Variants in TUBA1C observed in about 807,000 individuals in gnomAD.
TUBA1C encodes tubulin alpha 1c.
A neutral mutation model predicts 34.9 loss-of-function variants in TUBA1C; 16 were observed. That is an observed-to-expected ratio of 0.46 (90% CI 0.31 to 0.70). The LOEUF (loss-of-function observed/expected upper bound fraction) is 0.70, where lower values mean the gene tolerates loss of function less well. TUBA1C is among the 30% of genes least tolerant of loss of function. TUBA1C has a pLI of 0.05. For missense variants in TUBA1C, 329 were observed against 587.3 expected (o/e 0.56, Z 4.55); for synonymous variants, 177 against 215.9 (o/e 0.82, Z 1.58).
At chr12:49,256,868 T>G (rs1158408899) in intron 1 of TUBA1C, among the ~76,000 whole-genome samples, 1 of 152,046 alleles carries the variant, frequency 6.6e-6, no homozygotes, top group African/African-American at 2.4e-5. Flanking sequence ...GGTTCTATAT[T>G]AATGTTCTTG....
intron 3 of TUBA1C, 55 bp from the exon 4 acceptor site, chr12:49,272,198 G>A (rs1451867522): frequency 3.2e-6 from 5 of 1,547,808 alleles, no homozygotes; most frequent in Non-Finnish European, 4.3e-6. Flanking sequence ...TTCACCAAAT[G>A]TGAACACTAA....
rs1396583174 is a variant in TUBA1C at position 49,272,357 on chromosome 12, T to C, written c.480T>C (p.Asp160=). The change falls in exon 4 of 4, where the codon GAT becomes GAC. Residue 160 remains aspartate (D), a synonymous_variant. Coordinates refer to ENST00000301072, the MANE Select transcript of TUBA1C (RefSeq NM_032704.5). ...TSLLMERLSV[D]YGKKSKLEFS... Reference sequence around the variant, plus strand: ...TGCTCATGGAACGTCTCTCAGTTGATTATGGCAAGAAGTCCAAGCTGGAGT... The same window carrying C: ...TGCTCATGGAACGTCTCTCAGTTGACTATGGCAAGAAGTCCAAGCTGGAGT... The C allele has an allele frequency of 1.9e-6, 3 of 1,614,078 alleles. No homozygotes were observed. The highest frequency in any genetic ancestry group is 1.7e-6 in the Non-Finnish European group (2 of 1,180,006).
rs1366800831 is a variant in TUBA1C, at chr12:49,234,725, T to G, written c.213+6559T>G. On this transcript the variant is annotated intron_variant, in intron 1 of 3. Transcript: ENST00000541364. ...TGTTTAGAAGCGGCCTTTCTTCACATATCGCTGTCCGCGAAAGTTTCTGAA... is the reference window on the plus strand; with the variant it reads ...TGTTTAGAAGCGGCCTTTCTTCACAGATCGCTGTCCGCGAAAGTTTCTGAA... 2.0e-5 allele frequency among the ~76,000 whole-genome samples: 3 copies of G among 152,274 alleles called. No individual in the cohort carries two copies. The East Asian group carries it at 5.8e-4, about 29-fold the overall frequency.
intron 3 of TUBA1C, 60 bp downstream of exon 3, chr12:49,270,036 A>G: frequency 1.2e-6 from 2 of 1,614,060 alleles, no homozygotes; most frequent in Non-Finnish European, 1.7e-6. Context: ...CTGAGACCAA[A>G]CTACAGAAAT....
In TUBA1C at chr12:49,273,412, G is replaced by T. The variant is rs553132567; in HGVS notation, c.*185G>T. ...GTAGATGAAACCACCTGAGTCGAGG[G>T]TCTTGCTCTGTCACCCAGGCTGGAG... On this transcript the variant is annotated 3_prime_UTR_variant, in exon 4 of 4. Transcript: ENST00000301072. 2.6e-5 allele frequency: 27 copies of T among 1,042,958 alleles called. No homozygotes were observed. In the South Asian group the frequency reaches 2.9e-4, roughly 11 times the overall value. 64.6% of individuals were successfully genotyped at this position (1,042,958 alleles called of 1,614,324 possible). A position where few individuals can be genotyped will look rare whatever the true frequency, so the allele number is the denominator to read the frequency against.
intron 1 of TUBA1C, among the ~76,000 whole-genome samples, chr12:49,244,158 A>G (rs1302708771): frequency 6.6e-6 from 1 of 151,830 alleles, no homozygotes; most frequent in African/African-American, 2.4e-5. Flanking sequence ...TCAAAAAAAA[A>G]AAAAAAAGAA....
In TUBA1C at chr12:49,274,285, A is replaced by ATTTTTTTTTTT. The variant is rs869028916; in HGVS notation, c.*1077_*1087dup. 6 of 69,690 alleles carry ATTTTTTTTTTT rather than the reference A, an allele frequency of 8.6e-5. No homozygotes were observed. The highest frequency in any genetic ancestry group is 2.8e-4 in the African/African-American group (4 of 14,322). 4.3% of individuals were successfully genotyped at this position (69,690 alleles called of 1,614,324 possible). A position where few individuals can be genotyped will look rare whatever the true frequency, so the allele number is the denominator to read the frequency against. On this transcript the variant is annotated 3_prime_UTR_variant, in exon 4 of 4. Coordinates refer to ENST00000301072, the MANE Select transcript of TUBA1C (RefSeq NM_032704.5). ...CCACCATGCCTGGCTGATTCTTGTA[A>ATTTTTTTTTTT]TTTTTTTTTTTTTTTTTTTTTTTTT...
chr12:49,256,597 C>T, intron 1 of TUBA1C: 1 of 277,348 alleles, frequency 3.6e-6, no homozygotes, highest in South Asian at 3.3e-5. Context: ...ACACAAAGAA[C>T]TTTCAGGGGT....
chr12:49,250,280 T>G (rs909219028), intron 1 of TUBA1C, among the ~76,000 whole-genome samples: 34 of 152,078 alleles, frequency 2.2e-4, no homozygotes, highest in Non-Finnish European at 4.6e-4. Context: ...ATCCCAGCAC[T>G]TTGGGAGGCC....
chr12:49,270,227 A>G, intron 3 of TUBA1C: 1 of 664,160 alleles, frequency 1.5e-6, no homozygotes, highest in South Asian at 1.8e-5. Flanking sequence ...CATCTTAGTC[A>G]TACTGAGTGA....
chr12:49,229,309 A>G (rs1942470979), intron 1 of TUBA1C, among the ~76,000 whole-genome samples: 1 of 152,150 alleles, frequency 6.6e-6, no homozygotes, highest in Non-Finnish European at 1.5e-5. Flanking sequence ...AATAACTAGG[A>G]TTACAGCTGT....
intron 3 of TUBA1C, chr12:49,270,269 G>T: frequency 1.9e-6 from 1 of 521,860 alleles, no homozygotes. Context: ...GTAACTAATT[G>T]ATCAGAGTCA....
intron 1 of TUBA1C, among the ~76,000 whole-genome samples, chr12:49,255,472 C>T (rs1046146577): frequency 6.6e-6 from 1 of 150,934 alleles, no homozygotes; most frequent in African/African-American, 2.4e-5. Context: ...AGGCTGGTCT[C>T]AAACCTCTGG....
At chr12:49,250,307 G>T (rs563394966) in intron 1 of TUBA1C, among the ~76,000 whole-genome samples, 1 of 151,704 alleles carries the variant, frequency 6.6e-6, no homozygotes, top group African/African-American at 2.4e-5. Flanking sequence ...GGCGGATCAC[G>T]AGGTCAGGAA....
Position 49,269,574 on chromosome 12 carries a change from G to A in TUBA1C, c.113G>A (p.Ser38Asn), listed in dbSNP as rs773226183. 1.2e-5 allele frequency: 20 copies of A among 1,614,128 alleles called. No homozygotes were observed. In the East Asian group the frequency reaches 3.6e-4, roughly 29 times the overall value. Residue 38 changes from serine (S) to asparagine (N), a missense_variant, in exon 2 of 4, where the codon AGT becomes AAT. Ser to Asn is a conservative substitution (Grantham distance 46). Transcript: ENST00000301072. ...ATCCAGCCCGATGGCCAGATGCCAA[G>A]TGACAAGACCATTGGGGGAGGAGAT... ...HGIQPDGQMP[S>N]DKTIGGGDDS...
rs1942886861 is a variant in TUBA1C, at chr12:49,265,102, C to T, written c.-80C>T. ...CTTTCACTACTTCTCCCCCGGACTC[C>T]TTGGTAGTCTGTTAGTGGGAGATCC... On this transcript the variant is annotated 5_prime_UTR_variant, in exon 1 of 4. Coordinates refer to ENST00000301072, the MANE Select transcript of TUBA1C (RefSeq NM_032704.5). 3.2e-5 allele frequency: 49 copies of T among 1,544,480 alleles called. No individual in the cohort carries two copies. The highest frequency in any genetic ancestry group is 5.3e-5 in the Admixed American group (3 of 56,516).
Position 49,265,105 on chromosome 12 carries a change from G to C in TUBA1C, c.-77G>C, listed in dbSNP as rs962199046. The C allele has an allele frequency of 2.6e-6, 4 of 1,547,502 alleles. No homozygotes were observed. Among genetic ancestry groups the C allele is most frequent in the Admixed American group, 3.5e-5 (2 of 56,768 alleles). The stretch of plus-strand genomic sequence containing the variant: ...TCACTACTTCTCCCCCGGACTCCTT[G>C]GTAGTCTGTTAGTGGGAGATCCTTG... On this transcript the variant is annotated 5_prime_UTR_variant, in exon 1 of 4. Coordinates refer to ENST00000301072, the MANE Select transcript of TUBA1C (RefSeq NM_032704.5).
intron 1 of TUBA1C, among the ~76,000 whole-genome samples, chr12:49,232,620 A>T (rs912359583): frequency 6.6e-6 from 1 of 152,188 alleles, no homozygotes; most frequent in Non-Finnish European, 1.5e-5. Context: ...CTTATAATGT[A>T]GAAAGTTGAG....
upstream of TUBA1C, among the ~76,000 whole-genome samples, chr12:49,264,477 G>A (rs1942873277): frequency 6.6e-6 from 1 of 152,048 alleles, no homozygotes; most frequent in Non-Finnish European, 1.5e-5. Flanking sequence ...CGAGGGGAGC[G>A]GGCGCCCGCG....
Sources: allele counts gnomAD v4.1 joint callset (sites outside exome capture counted in the v4.1 genomes callset), GRCh38; gene constraint gnomAD v4.1.1; transcripts MANE v1.5; gene names NCBI Gene and HGNC (gene_info 2026-07-23, HGNC 2026-07-21).